The following WDR49 variants were observed in gnomAD, a reference collection of about 807,000 sequenced individuals.
The protein encoded by WDR49 is cilia- and flagella-associated protein 337.
WDR49 carries 107 observed loss-of-function variants against 119.5 expected under a neutral mutation model. The ratio of observed to expected loss-of-function variants is 0.90; its 90% confidence interval spans 0.77 to 1.05. The LOEUF (loss-of-function observed/expected upper bound fraction) is 1.05. Ranked by LOEUF, WDR49 falls within the 50% of genes least tolerant of loss-of-function variation. The pLI is 0.00. For missense variants in WDR49, 1,240 were observed against 1,220.5 expected (o/e 1.02, Z -0.24); for synonymous variants, 425 against 418.8 (o/e 1.01, Z -0.18).
Position 167,602,208 on chromosome 3 carries a change from G to A in WDR49, c.1194C>T (p.Val398=), listed in dbSNP as rs750013225. The A allele has an allele frequency of 8.1e-6, 13 of 1,606,834 alleles. No individual in the cohort carries two copies. The Admixed American group carries it at 1.5e-4, about 19-fold the overall frequency. Residue 398 remains valine, a synonymous_variant, in exon 7 of 19, where the codon GTC becomes GTT. Transcript: ENST00000682715. ...TTACACTGGCTGAGTGGCCCCAAAGGACACCCACTGGTTTAGAGACAACAT... is the reference window on the plus strand; with the variant it reads ...TTACACTGGCTGAGTGGCCCCAAAGAACACCCACTGGTTTAGAGACAACAT... The part of the protein sequence containing the change: ...NPYVVSKPVG[V]LWGHSASVIA...
chr3:167,545,077 C>T (rs1712095786), intron 10 of WDR49, among the ~76,000 whole-genome samples: 1 of 151,678 alleles, frequency 6.6e-6, no homozygotes, highest in Admixed American at 6.6e-5. Context: ...ATACAAATGG[C>T]CAACAAACAT....
intron 2 of WDR49, among the ~76,000 whole-genome samples, chr3:167,640,268 C>G (rs959557432): frequency 4.0e-5 from 6 of 151,848 alleles, no homozygotes; most frequent in Non-Finnish European, 8.8e-5. Context: ...TCGAGAATCT[C>G]TTCTATTGTT....
intron 2 of WDR49, among the ~76,000 whole-genome samples, chr3:167,633,231 G>A (rs1717454986): frequency 6.6e-6 from 1 of 151,910 alleles, no homozygotes; most frequent in South Asian, 2.1e-4. Flanking sequence ...AATAGGTGCA[G>A]GAGACTGTAC....
intron 18 of WDR49, among the ~76,000 whole-genome samples, chr3:167,487,890 T>C (rs1490069358): frequency 1.3e-5 from 2 of 152,022 alleles, no homozygotes; most frequent in Non-Finnish European, 2.9e-5. Context: ...CTTGCAAGGC[T>C]GTGCAGAAAA....
chr3:167,532,407 C>T (rs533756657), intron 12 of WDR49, among the ~76,000 whole-genome samples: 19 of 152,238 alleles, frequency 1.2e-4, no homozygotes, highest in African/African-American at 4.1e-4. Flanking sequence ...ATACAATATA[C>T]TCCCATCTAA....
intron 16 of WDR49, among the ~76,000 whole-genome samples, chr3:167,506,702 C>T (rs370303649): frequency 6.6e-6 from 1 of 152,158 alleles, no homozygotes; most frequent in Non-Finnish European, 1.5e-5. Context: ...GTACTATTAA[C>T]TGAATTCCAT....
intron 16 of WDR49, among the ~76,000 whole-genome samples, chr3:167,516,315 G>C (rs1056745268): frequency 4.4e-5 from 6 of 136,200 alleles, no homozygotes; most frequent in East Asian, 2.2e-4. Context: ...TGTTCTCATT[G>C]TTCAATTCCC....
At chr3:167,613,338 G>T (rs901665239) in intron 5 of WDR49, among the ~76,000 whole-genome samples, 1 of 152,152 alleles carries the variant, frequency 6.6e-6, no homozygotes, top group South Asian at 2.1e-4. Context: ...ACATGTCCAT[G>T]ATACAAATGA....
intron 10 of WDR49, among the ~76,000 whole-genome samples, chr3:167,543,218 A>C (rs1711950529): frequency 6.6e-6 from 1 of 152,098 alleles, no homozygotes; most frequent in African/African-American, 2.4e-5. Flanking sequence ...CATTCAAAGA[A>C]TAATTGGTAC....
chr3:167,642,566 A>C (rs917271147), intron 2 of WDR49, among the ~76,000 whole-genome samples: 5 of 151,942 alleles, frequency 3.3e-5, no homozygotes, highest in South Asian at 2.1e-4. Flanking sequence ...TAGATCAATA[A>C]ATATAAATAT....
At chr3:167,525,809 T>C (rs1752608292) in intron 15 of WDR49, among the ~76,000 whole-genome samples, 1 of 152,020 alleles carries the variant, frequency 6.6e-6, no homozygotes, top group Non-Finnish European at 1.5e-5. Flanking sequence ...AATAGCTATG[T>C]TATAAAAGTG....
At chr3:167,587,612 G>A (rs1264515517) in intron 7 of WDR49, among the ~76,000 whole-genome samples, 1 of 151,914 alleles carries the variant, frequency 6.6e-6, no homozygotes, top group Admixed American at 6.6e-5. Flanking sequence ...CAGCCTTTCG[G>A]GTAGCTGGGA....
intron 18 of WDR49, among the ~76,000 whole-genome samples, chr3:167,479,588 T>G (rs1577184605): frequency 6.6e-6 from 1 of 152,352 alleles, no homozygotes; most frequent in East Asian, 1.9e-4. Flanking sequence ...GAATGTCTAT[T>G]ATACACAATG....
intron 18 of WDR49, among the ~76,000 whole-genome samples, chr3:167,490,123 A>G (rs1751074527): frequency 6.6e-6 from 1 of 152,144 alleles, no homozygotes; most frequent in Non-Finnish European, 1.5e-5. Flanking sequence ...GCCACCATCC[A>G]GTAACAAACA....
At chr3:167,514,771 T>C (rs74330376) in intron 16 of WDR49, among the ~76,000 whole-genome samples, 250 of 150,730 alleles carry the variant, frequency 1.7e-3, no homozygotes, top group African/African-American at 5.7e-3. Flanking sequence ...GACAGAAGAA[T>C]CAAATAGACA....
intron 7 of WDR49, among the ~76,000 whole-genome samples, chr3:167,579,130 AGGCCTCCTTAGCTGTG>A (rs1714408216): frequency 6.6e-6 from 1 of 152,038 alleles, no homozygotes; most frequent in South Asian, 2.1e-4. Context: ...TATATTCCTG[AGGCCTCCTTAGCTGTG>A]TGGAACTGTG....
chr3:167,573,459 AC>A (rs1047428224), intron 8 of WDR49, among the ~76,000 whole-genome samples: 5 of 151,604 alleles, frequency 3.3e-5, no homozygotes, highest in Non-Finnish European at 7.4e-5. Context: ...GTATTTTTAT[AC>A]TTATTTACCA....
At chr3:167,637,944 G>C (rs570802210) in intron 2 of WDR49, among the ~76,000 whole-genome samples, 2 of 151,522 alleles carry the variant, frequency 1.3e-5, no homozygotes, top group African/African-American at 4.8e-5. Context: ...AACAGCAACA[G>C]TTTGACTTCC....
intron 5 of WDR49, among the ~76,000 whole-genome samples, chr3:167,617,627 T>C (rs1045295538): frequency 6.6e-6 from 1 of 152,038 alleles, no homozygotes; most frequent in East Asian, 1.9e-4. Flanking sequence ...ACAATCCTCC[T>C]CCGGAGGAGA....
Sources: gnomAD v4.1 joint callset for allele counts (sites outside exome capture counted in the v4.1 genomes callset) on GRCh38, gnomAD v4.1.1 for gene constraint, MANE v1.5 for transcripts, NCBI Gene and HGNC (gene_info 2026-07-23, HGNC 2026-07-21) for gene names.